COX7B2: variants seen among roughly 807,000 people sequenced by gnomAD.
COX7B2 encodes the protein cytochrome c oxidase subunit 7B2.
For synonymous variants in COX7B2, 37 were observed against 32.1 expected, an observed-to-expected ratio of 1.15 and a Z score of -0.51; for missense variants, 109 against 95.9, an observed-to-expected ratio of 1.14 and a Z score of -0.57.
intron 2 of COX7B2, among the ~76,000 whole-genome samples, chr4:46,824,897 C>T (rs1301519291): frequency 3.3e-5 from 5 of 151,900 alleles, no homozygotes; most frequent in East Asian, 1.9e-4. Flanking sequence ...TAATAGAAGC[C>T]GTCTATGACA....
chr4:46,892,037 C>T (rs893719597), intron 1 of COX7B2, among the ~76,000 whole-genome samples: 4 of 152,154 alleles, frequency 2.6e-5, no homozygotes, highest in Non-Finnish European at 2.9e-5. Flanking sequence ...AAGGACTCTA[C>T]TGGAGTACAA....
chr4:46,785,453 A>G (rs1191599553), intron 2 of COX7B2, among the ~76,000 whole-genome samples: 3 of 151,310 alleles, frequency 2.0e-5, no homozygotes, highest in African/African-American at 7.3e-5. Flanking sequence ...AGCTCACTGC[A>G]AGCTCCACCT....
At chr4:46,809,931 G>A (rs556871796) in intron 2 of COX7B2, among the ~76,000 whole-genome samples, 2 of 151,998 alleles carry the variant, frequency 1.3e-5, no homozygotes, top group South Asian at 2.1e-4. Flanking sequence ...CCAATGTTGT[G>A]TAAATATATA....
At chr4:46,902,231 A>G (rs1720110015) in intron 1 of COX7B2, among the ~76,000 whole-genome samples, 2 of 152,180 alleles carry the variant, frequency 1.3e-5, no homozygotes, top group Non-Finnish European at 1.5e-5. Context: ...AATCCCAAGA[A>G]AAAAAGGAGG....
intron 1 of COX7B2, among the ~76,000 whole-genome samples, chr4:46,854,579 T>C (rs1390552536): frequency 6.6e-6 from 1 of 152,244 alleles, no homozygotes; most frequent in Non-Finnish European, 1.5e-5. Context: ...TTTTCTTGTT[T>C]CAGCACAGTG....
At chr4:46,884,280 T>G (rs1718932083) in intron 1 of COX7B2, among the ~76,000 whole-genome samples, 1 of 152,148 alleles carries the variant, frequency 6.6e-6, no homozygotes, top group Non-Finnish European at 1.5e-5. Flanking sequence ...AGCCTGGAAC[T>G]CCTAGGCTCA....
chr4:46,873,415 G>T (rs890387017), intron 1 of COX7B2, among the ~76,000 whole-genome samples: 1 of 152,064 alleles, frequency 6.6e-6, no homozygotes, highest in South Asian at 2.1e-4. Context: ...TTCCACAATG[G>T]TTGAACTAAT....
chr4:46,758,230 C>G (rs535155445), intron 2 of COX7B2, among the ~76,000 whole-genome samples: 45 of 151,524 alleles, frequency 3.0e-4, no homozygotes, highest in African/African-American at 9.2e-4. Context: ...TTGTGTATAG[C>G]AATTAATATA....
chr4:46,813,133 T>G (rs564299877), intron 2 of COX7B2, among the ~76,000 whole-genome samples: 52 of 152,286 alleles, frequency 3.4e-4, no homozygotes, highest in Admixed American at 9.8e-4. Context: ...AGAATAGCTT[T>G]GTGGTAGCTT....
intron 1 of COX7B2, among the ~76,000 whole-genome samples, chr4:46,868,826 A>G (rs2109818153): frequency 6.6e-6 from 1 of 152,266 alleles, no homozygotes; most frequent in Middle Eastern, 3.4e-3. Flanking sequence ...GCATGTGGCA[A>G]TGAGAAGAAT....
chr4:46,754,457 G>T (rs1479425770), intron 2 of COX7B2, among the ~76,000 whole-genome samples: 1 of 140,440 alleles, frequency 7.1e-6, no homozygotes. Context: ...GCAAACTATC[G>T]CAAGGACAAA....
intron 2 of COX7B2, among the ~76,000 whole-genome samples, chr4:46,743,637 G>T (rs553788627): frequency 1.6e-4 from 24 of 152,240 alleles, no homozygotes; most frequent in African/African-American, 4.8e-4. Flanking sequence ...GTTTTGAGAA[G>T]TATGCAGCTA....
At position 46,895,587 on chromosome 4, in the gene COX7B2, G is replaced by A. The variant is rs1469383123; in HGVS notation, c.-105+13573C>T. On this transcript the variant is annotated intron_variant, in intron 1 of 2. Coordinates refer to ENST00000355591, the MANE Select transcript of COX7B2 (RefSeq NM_130902.3). The stretch of plus-strand genomic sequence containing the variant: ...ACAAAATAATCTGTACAACAAATCC[G>A]CATGACGCTAGTTTACCTATATAAT... Among the ~76,000 whole-genome samples, 5 of 152,128 alleles carry A rather than the reference G, an allele frequency of 3.3e-5. No homozygotes were observed. The East Asian group carries it at 5.8e-4, about 18-fold the overall frequency.
chr4:46,759,022 G>C (rs1033268693), intron 2 of COX7B2, among the ~76,000 whole-genome samples: 4 of 152,022 alleles, frequency 2.6e-5, no homozygotes, highest in Admixed American at 2.0e-4. Context: ...CCCTCCTGCA[G>C]GTTTATGCAC....
chr4:46,739,967 C>A (rs1468858834), intron 2 of COX7B2, among the ~76,000 whole-genome samples: 1 of 151,948 alleles, frequency 6.6e-6, no homozygotes, highest in Non-Finnish European at 1.5e-5. Context: ...GTTGAGTTAA[C>A]AATGAGAATT....
At chr4:46,752,384 T>C (rs1047963519) in intron 2 of COX7B2, among the ~76,000 whole-genome samples, 13 of 151,980 alleles carry the variant, frequency 8.6e-5, no homozygotes, top group African/African-American at 3.1e-4. Flanking sequence ...TTTGACTTCC[T>C]CTTTTCCTAA....
intron 1 of COX7B2, among the ~76,000 whole-genome samples, chr4:46,897,990 T>C (rs1232689704): frequency 6.6e-6 from 1 of 152,176 alleles, no homozygotes; most frequent in Non-Finnish European, 1.5e-5. Context: ...TCTAACTCTC[T>C]ATGGGCTGCC....
rs143291853 is a variant in COX7B2 at position 46,855,843 on chromosome 4, G to C, written c.-104-10829C>G. 5.7e-3 allele frequency among the ~76,000 whole-genome samples: 867 copies of C among 152,104 alleles called. 8 individuals are homozygous for C. Among genetic ancestry groups the C allele is most frequent in the Middle Eastern group, 0.024 (7 of 294 alleles). ...AAACTGTTTACAATGAGCTTCTCTG[G>C]GTCTTGGGGTGACAAGTAATTTTCA... is the stretch of plus-strand genomic sequence containing the variant. On this transcript the variant is annotated intron_variant, in intron 1 of 2. Coordinates refer to ENST00000355591, the MANE Select transcript of COX7B2 (RefSeq NM_130902.3).
At chr4:46,870,331 AT>A (rs1050523505) in intron 1 of COX7B2, among the ~76,000 whole-genome samples, 2 of 53,398 alleles carry the variant, frequency 3.7e-5, no homozygotes, top group Non-Finnish European at 8.1e-5. Context: ...GAAAAAAAAA[AT>A]AACTCAAAAT....
Sources: allele counts gnomAD v4.1 joint callset (sites outside exome capture counted in the v4.1 genomes callset), GRCh38; gene constraint gnomAD v4.1.1; transcripts MANE v1.5; gene names NCBI Gene and HGNC (gene_info 2026-07-23, HGNC 2026-07-21).